G2E3: variants seen among roughly 807,000 people sequenced by gnomAD.
G2E3 encodes the protein G2/M-phase specific E3 ubiquitin protein ligase.
A neutral mutation model predicts 92.8 loss-of-function variants in G2E3; 35 were observed. The observed-to-expected ratio is 0.38, with a 90% confidence interval of 0.29 to 0.50. The LOEUF is 0.50. Among genes scored for constraint, G2E3 ranks in the 20% least tolerant of loss-of-function variants. G2E3 has a pLI of 0.94. For synonymous variants in G2E3, 242 were observed against 272.4 expected (o/e 0.89, Z 1.10); for missense variants, 554 against 823.8 (o/e 0.67, Z 4.01).
intron 3 of G2E3, among the ~76,000 whole-genome samples, chr14:30,587,371 T>C (rs975766726): frequency 6.6e-6 from 1 of 152,216 alleles, no homozygotes; most frequent in Admixed American, 6.5e-5. Context: ...CTCACCTCAC[T>C]GAATTCATGC....
At chr14:30,563,715 G>A (rs1184163021) in intron 1 of G2E3, among the ~76,000 whole-genome samples, 2 of 142,496 alleles carry the variant, frequency 1.4e-5, no homozygotes, top group African/African-American at 5.0e-5. Context: ...GTGTGTGTGT[G>A]TGTGTGTGTG....
chr14:30,603,649 C>T (rs1163527374), intron 10 of G2E3, among the ~76,000 whole-genome samples: 2 of 152,032 alleles, frequency 1.3e-5, no homozygotes, highest in Non-Finnish European at 2.9e-5. Context: ...CGAAACCAGT[C>T]TGGGCAATAT....
intron 2 of G2E3, among the ~76,000 whole-genome samples, chr14:30,585,534 C>T (rs1880663877): frequency 6.6e-6 from 1 of 151,692 alleles, no homozygotes; most frequent in African/African-American, 2.4e-5. Flanking sequence ...ATGTCACTAC[C>T]ACACTGTTTT....
chr14:30,569,719 C>T (rs758053947), intron 1 of G2E3, among the ~76,000 whole-genome samples: 104 of 152,058 alleles, frequency 6.8e-4, no homozygotes, highest in Non-Finnish European at 9.3e-4. Context: ...CCCACGAAGT[C>T]AGGGTTAGGA....
At chr14:30,591,812 A>G (rs1389779957) in intron 4 of G2E3, among the ~76,000 whole-genome samples, 2 of 152,272 alleles carry the variant, frequency 1.3e-5, no homozygotes, top group East Asian at 3.9e-4. Context: ...AGGTACTGGG[A>G]GTCGGGACCT....
In G2E3 at chr14:30,602,022, C is replaced by T; in HGVS notation, c.901C>T (p.His301Tyr). The change falls in exon 10 of 15, where the codon CAT (histidine) becomes TAT (tyrosine). Residue 301 changes from histidine (H) to tyrosine (Y), a missense_variant. By Grantham distance (83) the His-to-Tyr change is moderately conservative. Transcript: ENST00000206595. ...AGGAGAGTTCCAAAAAGCCAAAAAA[C>T]ATGTATTACCCAATTCTAATAATGT... ...NSGEFQKAKK[H>Y]VLPNSNNVGI... is the part of the protein sequence containing the mutation. 1 of 1,611,088 alleles carries T rather than the reference C, an allele frequency of 6.2e-7. No homozygotes were observed. The highest frequency in any genetic ancestry group is 8.5e-7 in the Non-Finnish European group (1 of 1,178,294).
At chr14:30,608,805 T>C (rs1319550130) in intron 12 of G2E3, among the ~76,000 whole-genome samples, 1 of 152,216 alleles carries the variant, frequency 6.6e-6, no homozygotes, top group Non-Finnish European at 1.5e-5. Flanking sequence ...TAACAGGCAG[T>C]GTTGTTTAAT....
chr14:30,601,574 A>G (rs1566546141), intron 8 of G2E3, among the ~76,000 whole-genome samples, 196 bp from the exon 9 acceptor site: 2 of 152,204 alleles, frequency 1.3e-5, no homozygotes, highest in Non-Finnish European at 2.9e-5. Context: ...GTATGTGCAT[A>G]TGAGTGTGAT....
chr14:30,589,930 G>C (rs1880911576), intron 4 of G2E3, among the ~76,000 whole-genome samples: 1 of 152,024 alleles, frequency 6.6e-6, no homozygotes, highest in African/African-American at 2.4e-5. Context: ...TTCCAGACTG[G>C]CAATTCATGA....
At chr14:30,612,069 A>G in intron 12 of G2E3, 138 bp from the exon 13 acceptor site, 1 of 603,916 alleles carries the variant, frequency 1.7e-6, no homozygotes, top group South Asian at 2.4e-5. Context: ...TTTATTCTAG[A>G]AGAATATTTC....
intron 1 of G2E3, among the ~76,000 whole-genome samples, chr14:30,562,576 A>G (rs1436538024): frequency 6.6e-6 from 1 of 152,032 alleles, no homozygotes; most frequent in Non-Finnish European, 1.5e-5. Flanking sequence ...AACACCCGCT[A>G]CTTAGCAGAC....
rs1241494252 is a variant in G2E3, at chr14:30,577,239, A to AG, written c.-4-3837_-4-3836insG. 7.2e-3 allele frequency among the ~76,000 whole-genome samples: 1,089 copies of AG among 151,048 alleles called. 10 individuals are homozygous for AG. Among genetic ancestry groups the AG allele is most frequent in the African/African-American group, 0.025 (1,024 of 40,876 alleles). ...ACTCTGTCTCAAAAAAAAAAAAAAA[A>AG]AAAAGAAAAAGAAAAAATGTTGGGT... On this transcript the variant is annotated intron_variant, in intron 1 of 14. Transcript: ENST00000206595.
intron 2 of G2E3, among the ~76,000 whole-genome samples, chr14:30,585,445 T>C (rs1447599412): frequency 6.6e-6 from 1 of 152,236 alleles, no homozygotes; most frequent in Non-Finnish European, 1.5e-5. Context: ...CTTGGCACTC[T>C]TGTTGAAAAT....
At position 30,610,411 on chromosome 14, in the gene G2E3, C is replaced by T. The variant is rs189456929; in HGVS notation, c.1501-1796C>T. ...GGGTGGATCACCGGGGTCAGCAGTT[C>T]GAGACCAGCCTGGCCAACATGGTGA... On this transcript the variant is annotated intron_variant, in intron 12 of 14. Coordinates refer to ENST00000206595, the MANE Select transcript of G2E3 (RefSeq NM_017769.5). 9.2e-5 allele frequency among the ~76,000 whole-genome samples: 14 copies of T among 152,182 alleles called. No homozygotes were observed. The East Asian group carries it at 2.7e-3, about 29-fold the overall frequency.
chr14:30,616,799 A>C lies in G2E3; in HGVS notation c.*265A>C. ...AAACCTCAATATAAATACTCTCAAAATGGTTGTATGGATTTTATTTAGGTA... is the reference window on the plus strand; with the variant it reads ...AAACCTCAATATAAATACTCTCAAACTGGTTGTATGGATTTTATTTAGGTA... On this transcript the variant is annotated 3_prime_UTR_variant, in exon 15 of 15. Coordinates refer to ENST00000206595, the MANE Select transcript of G2E3 (RefSeq NM_017769.5). 4.2e-6 allele frequency: 1 copy of C among 235,560 alleles called. No individual in the cohort carries two copies. Among genetic ancestry groups the C allele is most frequent in the Non-Finnish European group, 8.1e-6 (1 of 123,644 alleles). The allele number at this position is 235,560 out of a possible 1,614,324, so 14.6% of individuals were successfully genotyped here. A position where few individuals can be genotyped will look rare whatever the true frequency, so the allele number is the denominator to read the frequency against.
At chr14:30,588,392 T>C (rs571430885) in intron 3 of G2E3, among the ~76,000 whole-genome samples, 2 of 151,498 alleles carry the variant, frequency 1.3e-5, no homozygotes, top group African/African-American at 4.9e-5. Flanking sequence ...TCACTTGTTA[T>C]CACTTGTTTT....
intron 3 of G2E3, among the ~76,000 whole-genome samples, chr14:30,588,868 G>T (rs1368521212): frequency 1.3e-5 from 2 of 151,996 alleles, no homozygotes; most frequent in Admixed American, 6.6e-5. Flanking sequence ...TCACATTGGG[G>T]GTTAAGGAAA....
rs185397321 is a variant in G2E3, at chr14:30,578,301, A to C, written c.-4-2775A>C. Among the ~76,000 whole-genome samples the C allele has an allele frequency of 2.7e-3, 407 of 152,334 alleles. 1 individual carries two copies. The highest frequency in any genetic ancestry group is 4.1e-3 in the Non-Finnish European group (282 of 68,030). The stretch of plus-strand genomic sequence containing the variant: ...CTGCTATAATTTCAAGCTTAGAGAA[A>C]AGTTGTAAGAATGGCATAAGGAACT... On this transcript the variant is annotated intron_variant, in intron 1 of 14. Transcript: ENST00000206595.
intron 1 of G2E3, among the ~76,000 whole-genome samples, chr14:30,566,877 G>A (rs1422566581): frequency 6.6e-6 from 1 of 152,152 alleles, no homozygotes; most frequent in Non-Finnish European, 1.5e-5. Flanking sequence ...AAATGTTTGA[G>A]TGTTTTTATC....
Sources: allele counts gnomAD v4.1 joint callset (sites outside exome capture counted in the v4.1 genomes callset), GRCh38; gene constraint gnomAD v4.1.1; transcripts MANE v1.5; gene names NCBI Gene and HGNC (gene_info 2026-07-23, HGNC 2026-07-21).